Variants in CUL4A observed in about 807,000 individuals in gnomAD.
The protein encoded by CUL4A is cullin-4A.
In CUL4A, 16 loss-of-function variants were observed where a neutral mutation model predicts 95.5. The ratio of observed to expected loss-of-function variants is 0.17; its 90% confidence interval spans 0.11 to 0.25. The LOEUF (loss-of-function observed/expected upper bound fraction) is 0.25, where lower values mean the gene tolerates loss of function less well. CUL4A is among the 10% of genes least tolerant of loss of function. The pLI, the probability that CUL4A is intolerant of heterozygous loss-of-function variation, is 1.00. For missense variants in CUL4A, 610 were observed against 937.0 expected (o/e 0.65, Z 4.56); for synonymous variants, 380 against 353.1 (o/e 1.08, Z -0.85).
chr13:113,215,382 G>A (rs1359077335), intron 2 of CUL4A, among the ~76,000 whole-genome samples: 3 of 149,664 alleles, frequency 2.0e-5, no homozygotes, highest in East Asian at 2.0e-4. Flanking sequence ...GCATGTGGCC[G>A]TGGAGGTCGC....
intron 18 of CUL4A, among the ~76,000 whole-genome samples, 155 bp downstream of exon 18, chr13:113,255,280 G>A (rs1031757327): frequency 2.6e-5 from 4 of 152,012 alleles, no homozygotes; most frequent in East Asian, 1.9e-4. Context: ...TTTTCCTGTC[G>A]CTTTCATTAA....
intron 9 of CUL4A, among the ~76,000 whole-genome samples, chr13:113,237,941 A>G (rs2041597758): frequency 6.6e-6 from 1 of 152,172 alleles, no homozygotes. Context: ...CATTATCCCC[A>G]TTCTACAAAT....
chr13:113,263,663 C>T lies in CUL4A; in HGVS notation c.*81C>T. 1.1e-6 allele frequency: 1 copy of T among 874,608 alleles called. No individual in the cohort carries two copies. Among genetic ancestry groups the T allele is most frequent in the Admixed American group, 2.4e-5 (1 of 40,852 alleles). The allele number at this position is 874,608 out of a possible 1,614,324, so 54.2% of individuals were successfully genotyped here. On this transcript the variant is annotated 3_prime_UTR_variant, in exon 20 of 20. Coordinates refer to ENST00000375440, the MANE Select transcript of CUL4A (RefSeq NM_001008895.4). The stretch of plus-strand genomic sequence containing the variant: ...AAGCACACCTGTGCCATTTCTGGGA[C>T]TCTGATTGATCCAGCTGTGGACATT...
At chr13:113,233,502 C>T (rs1199062254) in intron 6 of CUL4A, among the ~76,000 whole-genome samples, 163 bp downstream of exon 6, 1 of 152,186 alleles carries the variant, frequency 6.6e-6, no homozygotes, top group Non-Finnish European at 1.5e-5. Context: ...CAAGCTAACA[C>T]CACACCAGGT....
intron 5 of CUL4A, among the ~76,000 whole-genome samples, chr13:113,231,741 G>T (rs974008109): frequency 1.3e-5 from 2 of 152,180 alleles, no homozygotes; most frequent in African/African-American, 2.4e-5. Flanking sequence ...CCAGGCAGCT[G>T]CCTCGAGCCC....
At chr13:113,239,622 C>G in intron 10 of CUL4A, 71 bp downstream of exon 10, 1 of 1,161,904 alleles carries the variant, frequency 8.6e-7, no homozygotes, top group Non-Finnish European at 1.2e-6. Context: ...CTGAGAACGC[C>G]TAGTGTGCCC....
chr13:113,254,899 G>T (rs1419307196), intron 17 of CUL4A, 54 bp from the exon 18 acceptor site: 4 of 1,602,610 alleles, frequency 2.5e-6, no homozygotes, highest in Non-Finnish European at 3.4e-6. Context: ...GTTTACTGTT[G>T]TTGAGTCTCA....
intron 15 of CUL4A, among the ~76,000 whole-genome samples, chr13:113,251,430 C>A (rs1457858793): frequency 6.6e-6 from 1 of 152,162 alleles, no homozygotes. Context: ...TCTTTAGAAG[C>A]CATCCAGAGA....
At chr13:113,240,942 T>C (rs1470673801) in intron 10 of CUL4A, among the ~76,000 whole-genome samples, 1 of 152,200 alleles carries the variant, frequency 6.6e-6, no homozygotes, top group African/African-American at 2.4e-5. Context: ...TGGGATTGCT[T>C]TGCTATTTTT....
rs1172841046 is a variant in CUL4A, at chr13:113,232,237, C to T, written c.513-940C>T. 1.0e-3 allele frequency among the ~76,000 whole-genome samples: 13 copies of T among 12,674 alleles called. 4 individuals carry two copies. Among genetic ancestry groups the T allele is most frequent in the African/African-American group, 1.8e-3 (13 of 7,368 alleles). 8.3% of individuals were successfully genotyped at this position (12,674 alleles called of 152,430 possible). ...ATTACTGCTGCCACCACTACCCGCC[C>T]ACCACCATTACTGCTGCCACCACTA... On this transcript the variant is annotated intron_variant, in intron 5 of 19. Transcript: ENST00000375440.
intron 19 of CUL4A, among the ~76,000 whole-genome samples, chr13:113,263,174 G>A (rs941572004): frequency 3.9e-5 from 6 of 151,906 alleles, no homozygotes; most frequent in African/African-American, 9.7e-5. Context: ...TCGCTTATAC[G>A]TGCCCTTACT....
At chr13:113,208,562 C>T (rs780931516), upstream of CUL4A, 9 of 1,602,416 alleles carry the variant, frequency 5.6e-6, no homozygotes, top group East Asian at 1.4e-4. Flanking sequence ...CGCCGAGGGC[C>T]AACCACGCCG....
chr13:113,237,888 A>G (rs1270798529), intron 9 of CUL4A, among the ~76,000 whole-genome samples: 2 of 152,160 alleles, frequency 1.3e-5, no homozygotes, highest in Non-Finnish European at 2.9e-5. Flanking sequence ...GTTACAAACA[A>G]CTCCACTTGA....
chr13:113,228,139 TTCTG>T, intron 4 of CUL4A, 94 bp downstream of exon 4: 3 of 984,402 alleles, frequency 3.0e-6, no homozygotes, highest in South Asian at 2.7e-5. Flanking sequence ...CTGTTGAGGA[TTCTG>T]TCTGTGTTCA....
At chr13:113,209,249 A>G (rs1264126655), upstream of CUL4A, among the ~76,000 whole-genome samples, 6 of 143,974 alleles carry the variant, frequency 4.2e-5, no homozygotes, top group African/African-American at 1.6e-4. Flanking sequence ...CGATCCCCTC[A>G]GGAGGGGTGC....
At position 113,209,863 on chromosome 13, in the gene CUL4A, C is replaced by T. The variant is rs1044736395; in HGVS notation, c.148+88C>T. The T allele has an allele frequency of 5.2e-6, 6 of 1,143,520 alleles. No homozygotes were observed. In the African/African-American group the frequency reaches 9.9e-5, roughly 19 times the overall value. 70.8% of individuals were successfully genotyped at this position (1,143,520 alleles called of 1,614,324 possible). A position where few individuals can be genotyped will look rare whatever the true frequency, so the allele number is the denominator to read the frequency against. ...CGACTTGGGGGGAAGGCCCCGAGAT[C>T]CGTGCGGGCCCCGGGAGCGGGGGCG... On this transcript the variant is annotated intron_variant, in intron 1 of 19. Transcript: ENST00000375440.
intron 19 of CUL4A, among the ~76,000 whole-genome samples, chr13:113,262,628 G>A (rs2042312422): frequency 6.6e-6 from 1 of 152,152 alleles, no homozygotes; most frequent in Non-Finnish European, 1.5e-5. Flanking sequence ...CAGCCTGGGC[G>A]ACAAAATGAG....
chr13:113,210,123 T>C, intron 2 of CUL4A, 35 bp downstream of exon 2: 6 of 1,372,724 alleles, frequency 4.4e-6, no homozygotes, highest in Non-Finnish European at 5.8e-6. Context: ...ACGCCGCTCC[T>C]GCCCCGCGTG....
chr13:113,262,060 G>A (rs553205395), intron 19 of CUL4A, among the ~76,000 whole-genome samples: 1 of 152,320 alleles, frequency 6.6e-6, no homozygotes, highest in African/African-American at 2.4e-5. Context: ...TTACAGGCGT[G>A]AGCCACCGCG....
Sources: gnomAD v4.1 joint callset for allele counts (sites outside exome capture counted in the v4.1 genomes callset) on GRCh38, gnomAD v4.1.1 for gene constraint, MANE v1.5 for transcripts, NCBI Gene and HGNC (gene_info 2026-07-23, HGNC 2026-07-21) for gene names.